Variants in SLC36A3 observed in about 807,000 individuals in gnomAD.
The protein encoded by SLC36A3 is proton-coupled amino acid transporter 3.
A neutral mutation model predicts 44.3 loss-of-function variants in SLC36A3; 35 were observed. The ratio of observed to expected loss-of-function variants is 0.79; its 90% CI spans 0.60 to 1.05. The LOEUF is 1.05. SLC36A3 is among the 50% of genes least tolerant of loss of function. The pLI is 0.00. For missense variants in SLC36A3, 540 were observed against 578.7 expected (o/e 0.93, Z 0.69); for synonymous variants, 211 against 227.6 (o/e 0.93, Z 0.66).
chr5:151,293,205 G>T (rs1476025306), intron 4 of SLC36A3, among the ~76,000 whole-genome samples, 159 bp downstream of exon 4: 1 of 152,164 alleles, frequency 6.6e-6, no homozygotes, highest in African/African-American at 2.4e-5. Context: ...TACCTTATGG[G>T]TACAGAGTGA....
At position 151,303,460 on chromosome 5, in the gene SLC36A3, C is replaced by G. The variant is rs1009271632; in HGVS notation, c.-106G>C. 26 of 1,275,696 alleles carry G rather than the reference C, an allele frequency of 2.0e-5. No homozygotes were observed. The highest frequency in any genetic ancestry group is 2.8e-5 in the Non-Finnish European group (26 of 919,914). 79.0% of individuals were successfully genotyped at this position (1,275,696 alleles called of 1,614,324 possible). On this transcript the variant is annotated 5_prime_UTR_variant, in exon 1 of 10. Transcript: ENST00000335230. The stretch of plus-strand genomic sequence containing the variant: ...CATGGCTGCTGACCTGAGATGCTGG[C>G]TCCTAACCCCAAGGATGCGTGCTGC...
intron 1 of SLC36A3, among the ~76,000 whole-genome samples, chr5:151,299,050 T>C (rs916875893): frequency 6.6e-6 from 1 of 152,000 alleles, no homozygotes; most frequent in African/African-American, 2.4e-5. Context: ...ATCAGTTAGA[T>C]AGACAATGGA....
intron 1 of SLC36A3, among the ~76,000 whole-genome samples, chr5:151,302,398 C>G (rs1755191133): frequency 6.6e-6 from 1 of 152,164 alleles, no homozygotes; most frequent in African/African-American, 2.4e-5. Flanking sequence ...AAGAAGAGTT[C>G]TGTTGAAATC....
chr5:151,281,250 T>C (rs930588823), intron 8 of SLC36A3, 67 bp from the exon 9 acceptor site: 14 of 1,490,236 alleles, frequency 9.4e-6, no homozygotes, highest in South Asian at 5.2e-5. Context: ...AGGACTCACT[T>C]ACTGCTCAGA....
intron 9 of SLC36A3, among the ~76,000 whole-genome samples, chr5:151,279,862 T>A (rs1313435818): frequency 6.6e-6 from 1 of 152,236 alleles, no homozygotes; most frequent in Non-Finnish European, 1.5e-5. Context: ...TTCTGACTCC[T>A]GGAGCCTTGA....
chr5:151,286,366 T>C (rs1262797116), intron 6 of SLC36A3, among the ~76,000 whole-genome samples: 2 of 152,176 alleles, frequency 1.3e-5, no homozygotes, highest in Non-Finnish European at 2.9e-5. Context: ...GATCATAGCT[T>C]ACTGTAGCCT....
At chr5:151,285,066 AC>A (rs770109115) in intron 6 of SLC36A3, among the ~76,000 whole-genome samples, 25 of 152,062 alleles carry the variant, frequency 1.6e-4, no homozygotes, top group Non-Finnish European at 3.1e-4. Flanking sequence ...GCCTCCTGGC[AC>A]CCCCTGCTCT....
chr5:151,278,345 T>C (rs1754179962), intron 9 of SLC36A3, among the ~76,000 whole-genome samples: 1 of 152,210 alleles, frequency 6.6e-6, no homozygotes, highest in African/African-American at 2.4e-5. Flanking sequence ...CCATCTCTTA[T>C]ACACATGATG....
At chr5:151,300,698 T>C (rs1201407764) in intron 1 of SLC36A3, among the ~76,000 whole-genome samples, 1 of 152,212 alleles carries the variant, frequency 6.6e-6, no homozygotes, top group Non-Finnish European at 1.5e-5. Context: ...GAAGCATAAA[T>C]AGATGTTGCA....
intron 9 of SLC36A3, among the ~76,000 whole-genome samples, chr5:151,279,121 A>G (rs1580801066): frequency 6.6e-6 from 1 of 151,618 alleles, no homozygotes; most frequent in Non-Finnish European, 1.5e-5. Context: ...CCCGTGGTAC[A>G]TTCTTCACTC....
At position 151,299,225 on chromosome 5, in the gene SLC36A3, GCTCTCTCTCTCTCTCTCTCTCTCT is replaced by G. The variant is rs61382152; in HGVS notation, c.129-566_129-543del. Among the ~76,000 whole-genome samples the G allele has an allele frequency of 5.4e-5, 5 of 92,390 alleles. No homozygotes were observed. In the South Asian group the frequency reaches 2.1e-3, roughly 39 times the overall value. 60.6% of individuals were successfully genotyped at this position (92,390 alleles called of 152,430 possible). On this transcript the variant is annotated intron_variant, in intron 1 of 9. Transcript: ENST00000335230. ...CATTGTGAATATGAATTGCTTGTGCGCTCTCTCTCTCTCTCTCTCTCTCTCTCTCTCTCTCTCTCTATATATATA... is the reference window on the plus strand; with the variant it reads ...CATTGTGAATATGAATTGCTTGTGCGCTCTCTCTCTCTCTCTATATATATA...
At chr5:151,298,282 G>T (rs1445001324) in intron 2 of SLC36A3, 5 of 271,392 alleles carry the variant, frequency 1.8e-5, no homozygotes. Flanking sequence ...ATGCCTGCAG[G>T]GATTGGGCTG....
chr5:151,294,928 C>T (rs902952403), intron 3 of SLC36A3, among the ~76,000 whole-genome samples: 5 of 151,950 alleles, frequency 3.3e-5, no homozygotes, highest in Non-Finnish European at 7.4e-5. Context: ...TGCACCCGGC[C>T]GAAATCTCCA....
intron 1 of SLC36A3, among the ~76,000 whole-genome samples, chr5:151,301,044 A>G (rs2032786): frequency 0.24 from 36,787 of 152,176 alleles, 4,694 homozygotes; most frequent in Admixed American, 0.38. Flanking sequence ...CCAAGTTTTC[A>G]ATATTATTGA....
chr5:151,285,779 AC>A (rs1754513638), intron 6 of SLC36A3, among the ~76,000 whole-genome samples: 2 of 152,042 alleles, frequency 1.3e-5, no homozygotes, highest in African/African-American at 2.4e-5. Context: ...AGGGAAGGCA[AC>A]ATGAGAAAGA....
intron 8 of SLC36A3, 112 bp from the exon 9 acceptor site, chr5:151,281,295 A>G (rs1754306994): frequency 9.3e-7 from 1 of 1,079,652 alleles, no homozygotes. Context: ...AATCCAAAAC[A>G]AAATCTGAAA....
At chr5:151,280,855 C>T (rs1356021455) in intron 9 of SLC36A3, among the ~76,000 whole-genome samples, 159 bp downstream of exon 9, 2 of 152,180 alleles carry the variant, frequency 1.3e-5, no homozygotes, top group Non-Finnish European at 2.9e-5. Context: ...TTCTGTTAAG[C>T]CCTTTTTTTT....
chr5:151,290,087 C>G (rs980648702), intron 4 of SLC36A3, among the ~76,000 whole-genome samples: 1 of 152,108 alleles, frequency 6.6e-6, no homozygotes. Context: ...ACAACAGACA[C>G]ATGTTAATTA....
chr5:151,285,956 T>G (rs556738183), intron 6 of SLC36A3, among the ~76,000 whole-genome samples: 2 of 148,716 alleles, frequency 1.3e-5, no homozygotes, highest in South Asian at 4.3e-4. Flanking sequence ...ACTCAAGCAC[T>G]GGAAAATAAA....
Sources: allele counts gnomAD v4.1 joint callset (sites outside exome capture counted in the v4.1 genomes callset), GRCh38; gene constraint gnomAD v4.1.1; transcripts MANE v1.5; gene names NCBI Gene and HGNC (gene_info 2026-07-23, HGNC 2026-07-21).